Variants in IL1RAP observed in about 807,000 individuals in gnomAD.
IL1RAP encodes the protein interleukin 1 receptor accessory protein, also known as interleukin-1 receptor accessory protein.
IL1RAP carries 35 observed loss-of-function variants against 60.7 expected under a neutral mutation model. That is an observed-to-expected ratio of 0.58 (90% CI 0.44 to 0.76). IL1RAP has a LOEUF of 0.76. Among genes scored for constraint, IL1RAP ranks in the 30% least tolerant of loss-of-function variants. The pLI, the probability that IL1RAP is intolerant of heterozygous loss-of-function variation, is 0.00. For synonymous variants in IL1RAP, 268 were observed against 250.9 expected, an observed-to-expected ratio of 1.07 and a Z score of -0.64; for missense variants, 572 against 693.9, an observed-to-expected ratio of 0.82 and a Z score of 1.97.
chr3:190,637,915 A>T (rs540527908), intron 9 of IL1RAP, among the ~76,000 whole-genome samples: 1 of 152,176 alleles, frequency 6.6e-6, no homozygotes, highest in South Asian at 2.1e-4. Context: ...TTCACTCAGC[A>T]AATGTTCTTG....
In IL1RAP at chr3:190,615,379, T is replaced by C. The variant is rs538465948; in HGVS notation, c.538-4896T>C. ...GGTAATGCAGTCCTTTTGTTGTTGC[T>C]TTTGTTACTGATGAGATTAATTTAG... On this transcript the variant is annotated intron_variant, in intron 5 of 11. Transcript: ENST00000447382. 1.1e-5 allele frequency: 11 copies of C among 1,014,008 alleles called. No homozygotes were observed. In the Admixed American group the frequency reaches 2.3e-4, roughly 21 times the overall value. The allele number at this position is 1,014,008 out of a possible 1,614,324, so 62.8% of individuals were successfully genotyped here. A position where few individuals can be genotyped will look rare whatever the true frequency, so the allele number is the denominator to read the frequency against.
At chr3:190,560,813 G>T (rs533085203) in intron 2 of IL1RAP, among the ~76,000 whole-genome samples, 1 of 152,316 alleles carries the variant, frequency 6.6e-6, no homozygotes, top group Non-Finnish European at 1.5e-5. Context: ...AGATGTTAAG[G>T]TGCTGAGCAC....
chr3:190,537,050 T>G (rs1460607254), intron 1 of IL1RAP, among the ~76,000 whole-genome samples: 4 of 152,140 alleles, frequency 2.6e-5, no homozygotes, highest in Non-Finnish European at 1.5e-5. Context: ...TTTTAGACAT[T>G]TACTTATTTA....
At chr3:190,640,153 G>T (rs780101531) in intron 9 of IL1RAP, among the ~76,000 whole-genome samples, 5 of 152,132 alleles carry the variant, frequency 3.3e-5, no homozygotes, top group Admixed American at 6.5e-5. Flanking sequence ...TATCTCTTTA[G>T]CTCAGTGTGA....
At chr3:190,638,002 T>C (rs1733361099) in intron 9 of IL1RAP, among the ~76,000 whole-genome samples, 1 of 152,110 alleles carries the variant, frequency 6.6e-6, no homozygotes, top group African/African-American at 2.4e-5. Context: ...TTTGTTTTTG[T>C]TTTGTTTAAG....
At chr3:190,577,466 T>C (rs1460004654) in intron 3 of IL1RAP, among the ~76,000 whole-genome samples, 2 of 152,196 alleles carry the variant, frequency 1.3e-5, no homozygotes, top group Non-Finnish European at 2.9e-5. Flanking sequence ...AGCTTTGTCA[T>C]CATCAACCCC....
downstream of IL1RAP, among the ~76,000 whole-genome samples, chr3:190,653,851 G>A (rs899186162): frequency 7.2e-5 from 11 of 152,148 alleles, no homozygotes; most frequent in Non-Finnish European, 4.4e-5. Flanking sequence ...AATATAGAAG[G>A]TATTTTAAAA....
intron 3 of IL1RAP, among the ~76,000 whole-genome samples, chr3:190,570,838 T>A (rs1726856493): frequency 6.6e-6 from 1 of 152,232 alleles, no homozygotes; most frequent in South Asian, 2.1e-4. Flanking sequence ...AGTGCTGGAA[T>A]GGCAGGCTAC....
chr3:190,564,282 G>T lies in IL1RAP; in HGVS notation c.-1-7G>T. The stretch of plus-strand genomic sequence containing the variant: ...GATTTCCCTTACCTTTGTATTTATG[G>T]TTACAGGATGACACTTCTGTGGTGT... On this transcript the variant is annotated splice_polypyrimidine_tract_variant and splice_region_variant and intron_variant, in intron 2 of 11. Transcript: ENST00000447382. 1 of 1,594,506 alleles carries T rather than the reference G, an allele frequency of 6.3e-7. No homozygotes were observed. The highest frequency in any genetic ancestry group is 1.1e-5 in the South Asian group (1 of 90,690).
At chr3:190,570,533 T>C (rs984938915) in intron 3 of IL1RAP, among the ~76,000 whole-genome samples, 4 of 150,880 alleles carry the variant, frequency 2.7e-5, no homozygotes, top group Non-Finnish European at 2.9e-5. Context: ...CATTTTTTTT[T>C]ACTTCTGAGA....
At chr3:190,655,817 G>T (rs944644742), downstream of IL1RAP, 24 of 1,097,494 alleles carry the variant, frequency 2.2e-5, no homozygotes, top group Middle Eastern at 4.2e-4. Context: ...TCCTCTGGAG[G>T]ATGGACAATA....
intron 6 of IL1RAP, among the ~76,000 whole-genome samples, chr3:190,620,779 G>C (rs1731710991): frequency 6.6e-6 from 1 of 152,144 alleles, no homozygotes; most frequent in South Asian, 2.1e-4. Context: ...CTCTGGAACT[G>C]CAATTGATTG....
chr3:190,642,936 A>G (rs570787794), intron 9 of IL1RAP, among the ~76,000 whole-genome samples: 9 of 152,312 alleles, frequency 5.9e-5, no homozygotes, highest in Admixed American at 1.3e-4. Context: ...TCATTATCAC[A>G]AGCTAATAAA....
At chr3:190,598,121 T>C (rs1300749350) in intron 3 of IL1RAP, among the ~76,000 whole-genome samples, 1 of 152,204 alleles carries the variant, frequency 6.6e-6, no homozygotes, top group Non-Finnish European at 1.5e-5. Flanking sequence ...ATAGGAAAGA[T>C]ACTAATTTCC....
intron 4 of IL1RAP, 45 bp downstream of exon 4, chr3:190,604,458 C>T (rs760296053): frequency 1.3e-6 from 2 of 1,583,482 alleles, no homozygotes; most frequent in Non-Finnish European, 1.7e-6. Flanking sequence ...CCTTTAGTTT[C>T]TGGGCTCTTT....
At chr3:190,581,203 GA>G (rs1727968562) in intron 3 of IL1RAP, among the ~76,000 whole-genome samples, 1 of 152,130 alleles carries the variant, frequency 6.6e-6, no homozygotes. Context: ...AGGCAGAGAA[GA>G]AAAACCTGGA....
chr3:190,652,600 G>A (rs1181863782), downstream of IL1RAP, among the ~76,000 whole-genome samples: 1 of 152,100 alleles, frequency 6.6e-6, no homozygotes, highest in Non-Finnish European at 1.5e-5. Flanking sequence ...AGGATCAACG[G>A]ATCGAAGTTA....
chr3:190,614,274 A>T (rs1731074340), intron 5 of IL1RAP, among the ~76,000 whole-genome samples: 1 of 151,486 alleles, frequency 6.6e-6, no homozygotes, highest in Non-Finnish European at 1.5e-5. Flanking sequence ...ATAGATCCAT[A>T]ATAATAAGTT....
intron 1 of IL1RAP, among the ~76,000 whole-genome samples, chr3:190,550,698 T>G (rs528812882): frequency 6.6e-6 from 1 of 152,336 alleles, no homozygotes; most frequent in East Asian, 1.9e-4. Flanking sequence ...CCCATCCCAT[T>G]TGCTCTTTCT....
Sources: allele counts gnomAD v4.1 joint callset (sites outside exome capture counted in the v4.1 genomes callset), GRCh38; gene constraint gnomAD v4.1.1; transcripts MANE v1.5; gene names NCBI Gene and HGNC (gene_info 2026-07-23, HGNC 2026-07-21).